SULF2: variants seen among roughly 807,000 people sequenced by gnomAD.
SULF2 encodes the protein sulfatase 2, also known as extracellular sulfatase Sulf-2.
Under a neutral mutation model 107.7 loss-of-function variants are expected in SULF2, and 52 were observed. The ratio of observed to expected loss-of-function variants is 0.48; its 90% CI spans 0.39 to 0.61. SULF2 has a LOEUF of 0.61. Among genes scored for constraint, SULF2 ranks in the 20% least tolerant of loss-of-function variants. The pLI, the probability that SULF2 is intolerant of heterozygous loss-of-function variation, is 0.00. For missense variants in SULF2, 993 were observed against 1,177.3 expected, an observed-to-expected ratio of 0.84 and a Z score of 2.29; for synonymous variants, 460 against 464.3, an observed-to-expected ratio of 0.99 and a Z score of 0.12.
intron 3 of SULF2, among the ~76,000 whole-genome samples, chr20:47,715,843 T>G: frequency 6.6e-6 from 1 of 152,214 alleles, no homozygotes; most frequent in East Asian, 1.9e-4. Flanking sequence ...CCTCCCAAAG[T>G]GCTGGGATTA....
At chr20:47,698,799 A>C (rs888661300) in intron 4 of SULF2, among the ~76,000 whole-genome samples, 4 of 152,148 alleles carry the variant, frequency 2.6e-5, no homozygotes, top group Admixed American at 2.0e-4. Context: ...TGGGAGGCTG[A>C]GGTGGGTGGA....
At chr20:47,683,270 C>A in intron 6 of SULF2, 101 bp from the exon 7 acceptor site, 1 of 1,235,028 alleles carries the variant, frequency 8.1e-7, no homozygotes, top group Non-Finnish European at 1.1e-6. Context: ...CCCGTCCCTC[C>A]CCTGCTTCAG....
intron 18 of SULF2, 129 bp downstream of exon 18, chr20:47,661,644 C>T (rs1025995649): frequency 1.7e-5 from 17 of 994,198 alleles, no homozygotes; most frequent in East Asian, 2.9e-5. Context: ...TCCCATGACT[C>T]GTCTGGAACT....
In SULF2 at chr20:47,665,226, G is replaced by T. The variant is rs1442353299; in HGVS notation, c.1970C>A (p.Pro657Gln). 9.3e-6 allele frequency: 15 copies of T among 1,613,830 alleles called. No homozygotes were observed. Among genetic ancestry groups the T allele is most frequent in the African/African-American group, 2.7e-5 (2 of 74,910 alleles). Residue 657 changes from proline to glutamine, a missense_variant, in exon 14 of 21, where the codon CCA becomes CAA. Physicochemically the swap from Pro to Gln is moderately conservative, Grantham distance 76. Transcript: ENST00000688720. ...EVRGHLKKKR[P>Q]EECDCHKISY... ...GATTTTGTGACAGTCACATTCTTCT[G>T]GCCGCTTTTTCTTCAGGTGACCTCG...
At chr20:47,771,656 C>T (rs1457826192) in intron 1 of SULF2, among the ~76,000 whole-genome samples, 1 of 152,094 alleles carries the variant, frequency 6.6e-6, no homozygotes, top group African/African-American at 2.4e-5. Context: ...AGGCTGCTGT[C>T]CCTGGGAGCC....
chr20:47,781,973 G>A (rs966868071), intron 1 of SULF2, among the ~76,000 whole-genome samples: 1 of 152,224 alleles, frequency 6.6e-6, no homozygotes, highest in Non-Finnish European at 1.5e-5. Flanking sequence ...TCTGAAGCTA[G>A]AGTTAGTCAC....
intron 10 of SULF2, 34 bp downstream of exon 10, chr20:47,676,460 G>A: frequency 6.3e-7 from 1 of 1,598,552 alleles, no homozygotes; most frequent in South Asian, 1.1e-5. Context: ...CAGTCAGGAG[G>A]GGGAGCCGTT....
chr20:47,665,983 C>G, intron 12 of SULF2, 30 bp from the exon 13 acceptor site: 1 of 1,609,396 alleles, frequency 6.2e-7, no homozygotes, highest in African/African-American at 1.3e-5. Context: ...ACGTGTGGCT[C>G]GGAGGTGGTG....
chr20:47,672,155 GTC>G (rs2146445671), intron 11 of SULF2, 41 bp downstream of exon 11: 1 of 1,555,454 alleles, frequency 6.4e-7, no homozygotes, highest in East Asian at 2.3e-5. Context: ...CCCAGGCATG[GTC>G]TCTCTCCTCC....
chr20:47,784,626 C>T, intron 1 of SULF2, among the ~76,000 whole-genome samples: 1 of 152,180 alleles, frequency 6.6e-6, no homozygotes, highest in East Asian at 1.9e-4. Flanking sequence ...TGTTCAGCCG[C>T]GTTTCCCTGG....
chr20:47,668,310 A>G (rs1176593971), intron 11 of SULF2, among the ~76,000 whole-genome samples: 1 of 152,226 alleles, frequency 6.6e-6, no homozygotes, highest in Non-Finnish European at 1.5e-5. Context: ...AGCTGCTCGC[A>G]TTCCCTTATA....
intron 13 of SULF2, 32 bp from the exon 14 acceptor site, chr20:47,665,325 A>G: frequency 2.2e-6 from 3 of 1,389,364 alleles, no homozygotes; most frequent in Non-Finnish European, 3.1e-6. Flanking sequence ...AGGCCTTGAA[A>G]CCTTCAAGGC....
intron 10 of SULF2, among the ~76,000 whole-genome samples, chr20:47,676,239 C>T (rs142184205): frequency 2.0e-5 from 3 of 152,312 alleles, no homozygotes; most frequent in East Asian, 1.9e-4. Context: ...GCTAGAGAGG[C>T]GCTAAGGGCA....
At chr20:47,685,802 A>C (rs1255494777) in intron 5 of SULF2, 2 of 152,342 alleles carry the variant, frequency 1.3e-5, no homozygotes, top group African/African-American at 4.8e-5. Context: ...AGCATGAGCC[A>C]CTGCACCTGG....
chr20:47,764,587 T>C (rs1350954954), intron 1 of SULF2, among the ~76,000 whole-genome samples: 2 of 152,184 alleles, frequency 1.3e-5, no homozygotes, highest in African/African-American at 2.4e-5. Context: ...GAGGGAGTCC[T>C]GGAGGCTGGA....
In SULF2 at chr20:47,658,049, G is replaced by A. The variant is rs1210220791; in HGVS notation, c.*313C>T. 24 of 385,790 alleles carry A rather than the reference G, an allele frequency of 6.2e-5. No individual in the cohort carries two copies. The highest frequency in any genetic ancestry group is 9.8e-5 in the Non-Finnish European group (21 of 213,538). 23.9% of individuals were successfully genotyped at this position (385,790 alleles called of 1,614,324 possible). A position where few individuals can be genotyped will look rare whatever the true frequency, so the allele number is the denominator to read the frequency against. On this transcript the variant is annotated 3_prime_UTR_variant, in exon 21 of 21. Coordinates refer to ENST00000688720, the MANE Select transcript of SULF2 (RefSeq NM_001387048.1). Reference sequence around the variant, plus strand: ...ATTTCCAAGGAAATCTCTCTCGCTCGCTCTCTCCGTTTTCCTTTGTGAGCT... The same window carrying A: ...ATTTCCAAGGAAATCTCTCTCGCTCACTCTCTCCGTTTTCCTTTGTGAGCT...
In SULF2 at chr20:47,684,462, G is replaced by C; in HGVS notation, c.857C>G (p.Thr286Ser). The C allele has an allele frequency of 6.2e-7, 1 of 1,613,574 alleles. No homozygotes were observed. ...TNMLQRKRLQ[T>S]LMSVDDSMET... Reference sequence around the variant, plus strand: ...CATGGAGTCGTCCACCGACATGAGGGTCTGCAAGCGCTTCCGCTGGAGCAT... The same window carrying C: ...CATGGAGTCGTCCACCGACATGAGGCTCTGCAAGCGCTTCCGCTGGAGCAT... The change falls in exon 6 of 21, where the codon ACC (threonine) becomes AGC (serine). Residue 286 changes from threonine to serine, a missense_variant. Physicochemically the swap from Thr to Ser is moderately conservative, Grantham distance 58. This residue lies in a region of SULF2 where 388 missense variants were observed against 449.2 expected (regional missense o/e 0.86). Transcript: ENST00000688720.
rs545542745 is a variant in SULF2, at chr20:47,777,990, A to AT, written c.-101+7352_-101+7353insA. Among the ~76,000 whole-genome samples, 133 of 151,340 alleles carry AT rather than the reference A, an allele frequency of 8.8e-4. 4 individuals carry two copies. The Middle Eastern group carries it at 0.02, about 23-fold the overall frequency. On this transcript the variant is annotated intron_variant, in intron 1 of 20. Transcript: ENST00000688720. Reference sequence around the variant, plus strand: ...ATCTCTACCAAAAAAAAAAAAAAAAAATTAGCTGGGTATGGTGGCCTGTGC... The same window carrying AT: ...ATCTCTACCAAAAAAAAAAAAAAAAATATTAGCTGGGTATGGTGGCCTGTGC...
chr20:47,677,696 T>TCATTTC (rs1255235210), intron 8 of SULF2, among the ~76,000 whole-genome samples: 1 of 152,212 alleles, frequency 6.6e-6, no homozygotes, highest in Non-Finnish European at 1.5e-5. Context: ...TGCCACCTGG[T>TCATTTC]CATTTCCATT....
Sources: gnomAD v4.1 joint callset for allele counts (sites outside exome capture counted in the v4.1 genomes callset) on GRCh38, gnomAD v4.1.1 for gene constraint, gnomAD v4.1.1 regional missense constraint, MANE v1.5 for transcripts, NCBI Gene and HGNC (gene_info 2026-07-23, HGNC 2026-07-21) for gene names.